Variants in IL9 observed in about 807,000 individuals in gnomAD.
IL9 encodes the protein interleukin 9, also known as interleukin-9.
IL9 carries 16 observed loss-of-function variants against 12.9 expected under a neutral mutation model. The ratio of observed to expected loss-of-function variants is 1.24; its 90% CI spans 0.84 to 1.88. IL9 has a LOEUF of 1.88. IL9 is among the 40% of genes most tolerant of loss of function. The probability of loss-of-function intolerance (pLI) is 0.00; values close to 1 mark genes in which losing one functional copy is unlikely to be tolerated. For synonymous variants in IL9, 69 were observed against 63.8 expected, an observed-to-expected ratio of 1.08 and a Z score of -0.39; for missense variants, 170 against 173.1, an observed-to-expected ratio of 0.98 and a Z score of 0.10.
At chr5:135,892,534 G>C in intron 4 of IL9, 24 bp from the exon 5 acceptor site, 1 of 1,598,318 alleles carries the variant, frequency 6.3e-7, no homozygotes, top group Non-Finnish European at 8.5e-7. Context: ...AGTTGATAAG[G>C]ACAGAGTGAC....
chr5:135,895,807 C>A lies in IL9; in HGVS notation c.10G>T (p.Ala4Ser). ...AGCAGGGCAGAGGTAAGGACCATGG[C>A]CAGAAGCATCTTGACAGCGGACTGG... MLL[A>S]MVLTSALLLC... The change falls in exon 1 of 5, where the codon GCC becomes TCC. Residue 4 changes from alanine (A) to serine (S), a missense_variant. Coordinates refer to ENST00000274520, the MANE Select transcript of IL9 (RefSeq NM_000590.2). 6.2e-7 allele frequency: 1 copy of A among 1,612,374 alleles called. No individual in the cohort carries two copies. Among genetic ancestry groups the A allele is most frequent in the Non-Finnish European group, 8.5e-7 (1 of 1,178,894 alleles).
At chr5:135,893,433 G>GT (rs1444543953) in intron 4 of IL9, among the ~76,000 whole-genome samples, 3 of 152,044 alleles carry the variant, frequency 2.0e-5, no homozygotes, top group Non-Finnish European at 4.4e-5. Flanking sequence ...CCAACATGGT[G>GT]AAACCCCATC....
chr5:135,894,245 TA>T lies in IL9; in HGVS notation c.184-95del, dbSNP rs1762913567. On this transcript the variant is annotated intron_variant, in intron 3 of 4. Coordinates refer to ENST00000274520, the MANE Select transcript of IL9 (RefSeq NM_000590.2). The stretch of plus-strand genomic sequence containing the variant: ...CAATATAATAGAGATGATTTTTATT[TA>T]ATCACCATTACTCAAACTTGCATTA... 3 of 1,185,666 alleles carry T rather than the reference TA, an allele frequency of 2.5e-6. No individual in the cohort carries two copies. The East Asian group carries it at 7.4e-5, about 29-fold the overall frequency. The allele number at this position is 1,185,666 out of a possible 1,614,324, so 73.4% of individuals were successfully genotyped here. A position where few individuals can be genotyped will look rare whatever the true frequency, so the allele number is the denominator to read the frequency against.
In IL9 at chr5:135,892,400, G is replaced by A. The variant is rs1156420956; in HGVS notation, c.426C>T (p.Gly142=). 1 of 1,595,110 alleles carries A rather than the reference G, an allele frequency of 6.3e-7. No homozygotes were observed. Among genetic ancestry groups the A allele is most frequent in the African/African-American group, 1.4e-5 (1 of 74,008 alleles). ...AAATAATATTTCATCTTCATATCTT[G>A]CCTCTCATCCCTCTCATCTTTTCTT... The part of the protein sequence containing the change: ...FQKEKMRGMR[G]KI The change falls in exon 5 of 5, where the codon GGC becomes GGT. Residue 142 remains glycine, a synonymous_variant. Transcript: ENST00000274520.
intron 3 of IL9, 151 bp from the exon 4 acceptor site, chr5:135,894,302 A>C (rs973490174): frequency 6.7e-6 from 5 of 741,746 alleles, no homozygotes; most frequent in African/African-American, 1.8e-5. Flanking sequence ...CAATGTAGGA[A>C]GTGATCTCCC....
intron 3 of IL9, 151 bp downstream of exon 3, chr5:135,895,289 A>G: frequency 1.6e-6 from 1 of 625,258 alleles, no homozygotes; most frequent in Non-Finnish European, 2.7e-6. Flanking sequence ...AATAATTTGT[A>G]ACAATGTGGT....
intron 4 of IL9, 58 bp from the exon 5 acceptor site, chr5:135,892,568 C>G (rs988504362): frequency 6.5e-7 from 1 of 1,541,354 alleles, no homozygotes; most frequent in African/African-American, 1.4e-5. Flanking sequence ...AGCCAAGCAG[C>G]CCCAGAAGCC....
intron 4 of IL9, 111 bp downstream of exon 4, chr5:135,893,909 C>T: frequency 1.2e-6 from 1 of 839,548 alleles, no homozygotes; most frequent in Non-Finnish European, 1.8e-6. Context: ...TTTTATCAAC[C>T]TTGAACTACC....
Position 135,892,424 on chromosome 5 carries a change from T to C in IL9, c.402A>G (p.Lys134=), listed in dbSNP as rs765457187. 1.2e-6 allele frequency: 2 copies of C among 1,611,306 alleles called. No individual in the cohort carries two copies. The highest frequency in any genetic ancestry group is 2.2e-5 in the South Asian group (2 of 90,764). ...TGCCTCTCATCCCTCTCATCTTTTC[T>C]TTCTGGAAAATTTCCAGAAGACTCT... ...FLKSLLEIFQ[K]EKMRGMRGKI Residue 134 remains lysine, a synonymous_variant, in exon 5 of 5, where the codon AAA becomes AAG. Transcript: ENST00000274520.
chr5:135,894,622 A>G (rs1762918073), intron 3 of IL9, among the ~76,000 whole-genome samples: 1 of 152,186 alleles, frequency 6.6e-6, no homozygotes, highest in Non-Finnish European at 1.5e-5. Flanking sequence ...AAGGCACTCT[A>G]TCCTCTTCTC....
chr5:135,892,527 T>C lies in IL9; in HGVS notation c.316-17A>G. 1 of 1,608,000 alleles carries C rather than the reference T, an allele frequency of 6.2e-7. No homozygotes were observed. Among genetic ancestry groups the C allele is most frequent in the South Asian group, 1.1e-5 (1 of 89,444 alleles). On this transcript the variant is annotated splice_polypyrimidine_tract_variant and intron_variant, in intron 4 of 4. Coordinates refer to ENST00000274520, the MANE Select transcript of IL9 (RefSeq NM_000590.2). ...GGAAAAATACTGTGGGGATGAAAGT[T>C]GATAAGGACAGAGTGACTCAAATGA...
intron 4 of IL9, among the ~76,000 whole-genome samples, chr5:135,893,426 A>G (rs1762901550): frequency 6.6e-6 from 1 of 151,992 alleles, no homozygotes; most frequent in African/African-American, 2.4e-5. Flanking sequence ...AACCTGGCCA[A>G]CATGGTGAAA....
rs896071958 is a variant in IL9, at chr5:135,893,951, A to G, written c.315+69T>C. On this transcript the variant is annotated intron_variant, in intron 4 of 4. Transcript: ENST00000274520. ...AACTTTATCATCCTTTTGTGTTCAA[A>G]CAGGGTTGGCATCACCATTCACATA... 9.7e-6 allele frequency: 13 copies of G among 1,346,158 alleles called. No homozygotes were observed. In the African/African-American group the frequency reaches 1.5e-4, roughly 15 times the overall value. The allele number at this position is 1,346,158 out of a possible 1,614,324, so 83.4% of individuals were successfully genotyped here.
chr5:135,892,501 A>G lies in IL9; in HGVS notation c.325T>C (p.Cys109Arg), dbSNP rs1307692343. The G allele has an allele frequency of 7.4e-6, 12 of 1,612,498 alleles. No homozygotes were observed. Among genetic ancestry groups the G allele is most frequent in the African/African-American group, 1.3e-5 (1 of 74,766 alleles). ...LKNNKCPYFSCEQPCNQTTAG... is the reference protein window; with the variant it reads ...LKNNKCPYFSREQPCNQTTAG... ...GTGGTTTGGTTGCATGGCTGTTCAC[A>G]GGAAAAATACTGTGGGGATGAAAGT... Residue 109 changes from cysteine (C) to arginine (R), a missense_variant, in exon 5 of 5, where the codon TGT (cysteine) becomes CGT (arginine). Physicochemically the swap from Cys to Arg is radical, Grantham distance 180. Transcript: ENST00000274520.
intron 2 of IL9, 34 bp from the exon 3 acceptor site, chr5:135,895,506 T>G: frequency 6.2e-7 from 1 of 1,613,816 alleles, no homozygotes; most frequent in Non-Finnish European, 8.5e-7. Context: ...AGATTCCAGA[T>G]GTGAAAATTA....
intron 4 of IL9, 92 bp downstream of exon 4, chr5:135,893,928 C>A: frequency 1.8e-6 from 2 of 1,112,596 alleles, no homozygotes; most frequent in Non-Finnish European, 2.5e-6. Flanking sequence ...CCAATTCCAA[C>A]TTTATCATCC....
chr5:135,894,099 G>A lies in IL9; in HGVS notation c.236C>T (p.Thr79Ile). The change falls in exon 4 of 5, where the codon ACC becomes ATC. Residue 79 changes from threonine to isoleucine, a missense_variant. By Grantham distance (89) the Thr-to-Ile change is moderately conservative. Coordinates refer to ENST00000274520, the MANE Select transcript of IL9 (RefSeq NM_000590.2). ...FSERLSQMTNTTMQTRYPLIF... is the reference protein window; with the variant it reads ...FSERLSQMTNITMQTRYPLIF... Reference sequence around the variant, plus strand: ...CAGTGGGTATCTTGTTTGCATGGTGGTATTGGTCATCTGAGACAGTCTCTC... The same window carrying A: ...CAGTGGGTATCTTGTTTGCATGGTGATATTGGTCATCTGAGACAGTCTCTC... 1.9e-6 allele frequency: 3 copies of A among 1,613,322 alleles called. No homozygotes were observed. The highest frequency in any genetic ancestry group is 2.2e-5 in the East Asian group (1 of 44,868).
At position 135,895,591 on chromosome 5, in the gene IL9, C is replaced by T; in HGVS notation, c.115-1G>A. The T allele has an allele frequency of 6.2e-7, 1 of 1,614,106 alleles. No homozygotes were observed. The highest frequency in any genetic ancestry group is 8.5e-7 in the Non-Finnish European group (1 of 1,179,942). On this transcript the variant is annotated splice_acceptor_variant, in intron 1 of 4. Transcript: ENST00000274520. LOFTEE classifies it high-confidence loss of function. ...AGTGGCACTTGGAAGCTGGATCTTC[C>T]TAAAGTAGATAGAGAGATAAGAACC...
In IL9 at chr5:135,895,120, A is replaced by G. The variant is rs924647714; in HGVS notation, c.183+320T>C. Among the ~76,000 whole-genome samples the G allele has an allele frequency of 3.3e-5, 5 of 152,220 alleles. No individual in the cohort carries two copies. The East Asian group carries it at 7.7e-4, about 23-fold the overall frequency. Reference sequence around the variant, plus strand: ...CAGCAATTATTATATCCTTAGTTCCAGTTTTATTTAATTGTGCACATGGCC... The same window carrying G: ...CAGCAATTATTATATCCTTAGTTCCGGTTTTATTTAATTGTGCACATGGCC... On this transcript the variant is annotated intron_variant, in intron 3 of 4. Coordinates refer to ENST00000274520, the MANE Select transcript of IL9 (RefSeq NM_000590.2).
Sources: allele counts gnomAD v4.1 joint callset (sites outside exome capture counted in the v4.1 genomes callset), GRCh38; gene constraint gnomAD v4.1.1; transcripts MANE v1.5; gene names NCBI Gene and HGNC (gene_info 2026-07-23, HGNC 2026-07-21).